The following CYP19A1 variants were observed in gnomAD, a reference collection of about 807,000 sequenced individuals.
The protein encoded by CYP19A1 is aromatase.
Under a neutral mutation model 44.4 loss-of-function variants are expected in CYP19A1, and 32 were observed. The observed-to-expected ratio is 0.72, with a 90% CI of 0.54 to 0.97. The LOEUF (loss-of-function observed/expected upper bound fraction) is 0.97, where lower values mean the gene tolerates loss of function less well. CYP19A1 is among the 50% of genes least tolerant of loss of function. CYP19A1 has a pLI of 0.00. For missense variants in CYP19A1, 598 were observed against 637.8 expected (o/e 0.94, Z 0.67); for synonymous variants, 212 against 215.6 (o/e 0.98, Z 0.14).
intron 1 of CYP19A1, among the ~76,000 whole-genome samples, chr15:51,251,794 G>T (rs1020775526): frequency 6.6e-6 from 1 of 152,182 alleles, no homozygotes; most frequent in Non-Finnish European, 1.5e-5. Flanking sequence ...CTTATCTGTT[G>T]TTTAATGAAC....
chr15:51,284,938 G>T (rs1046459782), intron 1 of CYP19A1, among the ~76,000 whole-genome samples: 2 of 152,172 alleles, frequency 1.3e-5, no homozygotes, highest in African/African-American at 4.8e-5. Flanking sequence ...CAAATTGAAG[G>T]TTTGAGAAGC....
At chr15:51,251,274 T>C (rs1489100226) in intron 1 of CYP19A1, among the ~76,000 whole-genome samples, 3 of 152,102 alleles carry the variant, frequency 2.0e-5, no homozygotes, top group Non-Finnish European at 4.4e-5. Flanking sequence ...ACACAATCCT[T>C]AGGGCAGCCC....
chr15:51,229,426 A>T (rs1230666868), intron 3 of CYP19A1, among the ~76,000 whole-genome samples: 1 of 151,362 alleles, frequency 6.6e-6, no homozygotes, highest in African/African-American at 2.4e-5. Flanking sequence ...TGTATAAATA[A>T]CTTATTAATA....
chr15:51,286,710 G>T (rs1490088863), intron 1 of CYP19A1, among the ~76,000 whole-genome samples: 1 of 152,124 alleles, frequency 6.6e-6, no homozygotes, highest in African/African-American at 2.4e-5. Flanking sequence ...CCCACTCAGG[G>T]TTCCCCAGCT....
chr15:51,235,738 T>G (rs1307658188), intron 3 of CYP19A1, among the ~76,000 whole-genome samples: 1 of 152,248 alleles, frequency 6.6e-6, no homozygotes, highest in African/African-American at 2.4e-5. Flanking sequence ...AATCTTGACC[T>G]GAAAAAATTA....
chr15:51,272,289 G>A (rs2035155859), intron 1 of CYP19A1, among the ~76,000 whole-genome samples: 1 of 152,180 alleles, frequency 6.6e-6, no homozygotes, highest in Non-Finnish European at 1.5e-5. Flanking sequence ...TAGCCCCAAA[G>A]AGCAGAAGTT....
intron 1 of CYP19A1, among the ~76,000 whole-genome samples, chr15:51,260,932 G>A (rs890621315): frequency 2.0e-5 from 3 of 152,082 alleles, no homozygotes; most frequent in Admixed American, 6.5e-5. Flanking sequence ...CTTCTGGTCC[G>A]TGTTTGTTCT....
At chr15:51,243,457 C>A (rs2033900651) in intron 1 of CYP19A1, among the ~76,000 whole-genome samples, 1 of 152,172 alleles carries the variant, frequency 6.6e-6, no homozygotes, top group Admixed American at 6.5e-5. Flanking sequence ...AGTAAGAACA[C>A]ATTTCTTGGG....
intron 1 of CYP19A1, among the ~76,000 whole-genome samples, chr15:51,252,373 T>C (rs2141144776): frequency 6.6e-6 from 1 of 152,292 alleles, no homozygotes; most frequent in South Asian, 2.1e-4. Context: ...ACCTTCTGCC[T>C]CAGGTGTCCA....
intron 3 of CYP19A1, among the ~76,000 whole-genome samples, chr15:51,232,965 T>C (rs1328447964): frequency 1.3e-5 from 2 of 152,240 alleles, no homozygotes; most frequent in East Asian, 3.8e-4. Context: ...CGTGATTTGG[T>C]ACCCTATTGC....
rs1421012793 is a variant in CYP19A1, at chr15:51,210,855, C to T, written c.1465G>A (p.Glu489Lys). 2 of 1,598,924 alleles carry T rather than the reference C, an allele frequency of 1.3e-6. No homozygotes were observed. Among genetic ancestry groups the T allele is most frequent in the Non-Finnish European group, 1.7e-6 (2 of 1,166,136 alleles). Reference protein sequence around the residue: ...LHPDETKNMLEMIFTPRNSDR... With the variant: ...LHPDETKNMLKMIFTPRNSDR... ...GAGTTTCTTGGGGTAAAGATCATTT[C>T]CAGCATGTTTTTAGTCTCATCTGGG... Residue 489 changes from glutamate to lysine, a missense_variant, in exon 10 of 10, where the codon GAA becomes AAA. Physicochemically the swap from Glu to Lys is moderately conservative, Grantham distance 56. Coordinates refer to ENST00000396402, the MANE Select transcript of CYP19A1 (RefSeq NM_000103.4).
rs1472076094 is a variant in CYP19A1, at chr15:51,250,634, TG to T, written c.-38-7685del. Among the ~76,000 whole-genome samples, 9 of 152,132 alleles carry T rather than the reference TG, an allele frequency of 5.9e-5. 1 individual carries two copies. The highest frequency in any genetic ancestry group is 1.4e-4 in the African/African-American group (6 of 41,428). On this transcript the variant is annotated intron_variant, in intron 1 of 9. Transcript: ENST00000396402. Reference sequence around the variant, plus strand: ...AGGCATTTCAGGCCATGAGACAAAGTGGGGGCACTATTTGGGGAGCCTATTG... The same window carrying T: ...AGGCATTTCAGGCCATGAGACAAAGTGGGGCACTATTTGGGGAGCCTATTG...
chr15:51,325,030 A>T (rs992836011), intron 1 of CYP19A1, among the ~76,000 whole-genome samples: 2 of 152,186 alleles, frequency 1.3e-5, no homozygotes, highest in Admixed American at 1.3e-4. Context: ...CAAGAAAAAC[A>T]AAATAATTAA....
At chr15:51,253,961 G>A (rs1237590060) in intron 1 of CYP19A1, among the ~76,000 whole-genome samples, 1 of 152,162 alleles carries the variant, frequency 6.6e-6, no homozygotes, top group Non-Finnish European at 1.5e-5. Flanking sequence ...AGGTAGGAGT[G>A]CATAAAGCAG....
intron 1 of CYP19A1, among the ~76,000 whole-genome samples, chr15:51,330,267 T>C (rs1358397248): frequency 6.6e-6 from 1 of 151,122 alleles, no homozygotes; most frequent in Non-Finnish European, 1.5e-5. Context: ...AGACTGGGAG[T>C]AGAAGGTGCA....
At chr15:51,296,743 A>T (rs2036003118) in intron 1 of CYP19A1, among the ~76,000 whole-genome samples, 1 of 152,200 alleles carries the variant, frequency 6.6e-6, no homozygotes, top group Non-Finnish European at 1.5e-5. Context: ...AGCAAAATTT[A>T]AAAATGGTGT....
At chr15:51,317,987 C>A (rs1469224653) in intron 1 of CYP19A1, among the ~76,000 whole-genome samples, 4 of 152,116 alleles carry the variant, frequency 2.6e-5, no homozygotes, top group Non-Finnish European at 5.9e-5. Flanking sequence ...CTCCCCACCC[C>A]CATCACACCC....
In CYP19A1 at chr15:51,215,070, C is replaced by A. The variant is rs750488471; in HGVS notation, c.1021G>T (p.Gly341Cys). ...TATTATTTATTTGATAAATTCTTAC[C>A]AATAACAGTCTGGATTTCCTTTATT... The part of the protein sequence containing the change: ...AIIKEIQTVI[G>C]ERDIKIDDIQ... Residue 341 changes from glycine (G) to cysteine (C), a missense_variant and splice_region_variant, in exon 8 of 10, where the codon GGT (glycine) becomes TGT (cysteine). By Grantham distance (159) the Gly-to-Cys change is radical. Transcript: ENST00000396402. 1 of 1,612,624 alleles carries A rather than the reference C, an allele frequency of 6.2e-7. No individual in the cohort carries two copies. Among genetic ancestry groups the A allele is most frequent in the Non-Finnish European group, 8.5e-7 (1 of 1,179,288 alleles).
chr15:51,269,451 AT>A (rs1236659305), intron 1 of CYP19A1, among the ~76,000 whole-genome samples: 1 of 152,078 alleles, frequency 6.6e-6, no homozygotes, highest in Non-Finnish European at 1.5e-5. Flanking sequence ...TAAAAGCAAG[AT>A]TAGTAAATTG....
Sources: allele counts gnomAD v4.1 joint callset (sites outside exome capture counted in the v4.1 genomes callset), GRCh38; gene constraint gnomAD v4.1.1; transcripts MANE v1.5; gene names NCBI Gene and HGNC (gene_info 2026-07-23, HGNC 2026-07-21).